Variants in TBC1D1 observed in about 807,000 individuals in gnomAD.
TBC1D1 encodes TBC1 (tre-2/USP6, BUB2, cdc16) domain family, member 1.
In TBC1D1, 89 loss-of-function variants were observed where a neutral mutation model predicts 125.6. The observed-to-expected ratio is 0.71, with a 90% CI of 0.60 to 0.85. TBC1D1 has a LOEUF of 0.85. Among genes scored for constraint, TBC1D1 ranks in the 40% least tolerant of loss-of-function variants. The pLI is 0.00. For missense variants in TBC1D1, 1,377 were observed against 1,469.2 expected, an observed-to-expected ratio of 0.94 and a Z score of 1.03; for synonymous variants, 565 against 564.1, an observed-to-expected ratio of 1.00 and a Z score of -0.02.
At chr4:37,998,979 G>GA (rs139184633) in intron 2 of TBC1D1, among the ~76,000 whole-genome samples, 7,708 of 152,286 alleles carry the variant, frequency 0.051, 213 homozygotes, top group African/African-American at 0.08. Context: ...GGGCACGGTG[G>GA]CTCTCGCCTG....
At position 37,902,426 on chromosome 4, in the gene TBC1D1, C is replaced by T. The variant is rs1220919444; in HGVS notation, c.331C>T (p.Pro111Ser). The T allele has an allele frequency of 6.2e-7, 1 of 1,614,088 alleles. No individual in the cohort carries two copies. Among genetic ancestry groups the T allele is most frequent in the East Asian group, 2.2e-5 (1 of 44,866 alleles). ...CAAACTGATTCACAACAGTCATGACCCAAGTTACTTTGCTTGTCTGATTAA... is the reference window on the plus strand; with the variant it reads ...CAAACTGATTCACAACAGTCATGACTCAAGTTACTTTGCTTGTCTGATTAA... Residue 111 changes from proline to serine, a missense_variant, in exon 2 of 20, where the codon CCA (proline) becomes TCA (serine). By Grantham distance (74) the Pro-to-Ser change is moderately conservative (BLOSUM62 -1). Around this residue, in one of 3 missense-constraint regions of TBC1D1, gnomAD observed 822 missense variants for 824.6 expected, o/e 1.00. Transcript: ENST00000261439.
chr4:37,929,051 T>G (rs1722729106), intron 2 of TBC1D1, among the ~76,000 whole-genome samples: 2 of 152,250 alleles, frequency 1.3e-5, no homozygotes, highest in Non-Finnish European at 2.9e-5. Flanking sequence ...GTTGGTGCTC[T>G]AAATGTGTCA....
At chr4:37,920,541 G>A (rs1002342102) in intron 2 of TBC1D1, among the ~76,000 whole-genome samples, 1 of 152,172 alleles carries the variant, frequency 6.6e-6, no homozygotes, top group African/African-American at 2.4e-5. Flanking sequence ...GCGAGGGGCC[G>A]ATGACTTCCA....
intron 17 of TBC1D1, among the ~76,000 whole-genome samples, chr4:38,121,734 A>AGAATGT (rs1460689259): frequency 5.3e-5 from 8 of 152,170 alleles, no homozygotes; most frequent in Non-Finnish European, 1.2e-4. Context: ...AAAAAATTCC[A>AGAATGT]GAATGTAAAT....
chr4:38,137,036 G>A (rs1312176615), intron 19 of TBC1D1, 99 bp from the exon 22 acceptor site: 19 of 1,576,392 alleles, frequency 1.2e-5, no homozygotes, highest in South Asian at 8.0e-5. Flanking sequence ...GCTGAAACTC[G>A]GCTCCAGAGT....
chr4:37,925,873 G>C (rs1434578066), intron 2 of TBC1D1, among the ~76,000 whole-genome samples: 2 of 152,080 alleles, frequency 1.3e-5, no homozygotes, highest in African/African-American at 4.8e-5. Context: ...GATCAAAGTA[G>C]TTTGGTATCA....
intron 12 of TBC1D1, among the ~76,000 whole-genome samples, chr4:38,064,958 T>C (rs1275823067): frequency 6.7e-6 from 1 of 149,826 alleles, no homozygotes; most frequent in Non-Finnish European, 1.5e-5. Flanking sequence ...TGAGATGGAG[T>C]CTTGCTCTGT....
At chr4:37,915,486 G>A (rs1719535944) in intron 2 of TBC1D1, among the ~76,000 whole-genome samples, 1 of 152,182 alleles carries the variant, frequency 6.6e-6, no homozygotes, top group Admixed American at 6.5e-5. Context: ...CCCAGCTCAA[G>A]CAATCAGGTA....
chr4:38,097,774 G>A (rs564257850), intron 14 of TBC1D1, among the ~76,000 whole-genome samples: 12 of 152,238 alleles, frequency 7.9e-5, no homozygotes, highest in East Asian at 3.9e-4. Flanking sequence ...CACTGCACCC[G>A]GCCTGCATAT....
intron 2 of TBC1D1, among the ~76,000 whole-genome samples, chr4:37,915,270 A>C (rs186362697): frequency 6.6e-6 from 1 of 152,310 alleles, no homozygotes; most frequent in Admixed American, 6.5e-5. Flanking sequence ...AGGGAAACAG[A>C]ACCAATAGGA....
chr4:38,033,171 C>T (rs979147024), intron 7 of TBC1D1, among the ~76,000 whole-genome samples: 1 of 152,120 alleles, frequency 6.6e-6, no homozygotes, highest in Non-Finnish European at 1.5e-5. Context: ...TATTAATACT[C>T]CTCCTCTTAC....
intron 12 of TBC1D1, among the ~76,000 whole-genome samples, chr4:38,070,863 G>A (rs1754590474): frequency 6.6e-6 from 1 of 152,166 alleles, no homozygotes; most frequent in Non-Finnish European, 1.5e-5. Context: ...AGTCTTTCTA[G>A]AAAACCTCAT....
chr4:38,137,850 A>C lies in TBC1D1; in HGVS notation c.*515A>C, dbSNP rs1309414005. 3.3e-5 allele frequency: 5 copies of C among 152,896 alleles called. No homozygotes were observed. The highest frequency in any genetic ancestry group is 7.2e-5 in the African/African-American group (3 of 41,458). The allele number at this position is 152,896 out of a possible 1,614,324, so 9.5% of individuals were successfully genotyped here. A position where few individuals can be genotyped will look rare whatever the true frequency, so the allele number is the denominator to read the frequency against. On this transcript the variant is annotated 3_prime_UTR_variant, in exon 20 of 20. Transcript: ENST00000261439. ...AAGATGATCATTGGGAAGATCAGTG[A>C]TCTTGGGTCATTGATCCCTGGCTCA...
At chr4:38,122,273 G>A (rs1449810979) in intron 17 of TBC1D1, among the ~76,000 whole-genome samples, 1 of 152,184 alleles carries the variant, frequency 6.6e-6, no homozygotes, top group African/African-American at 2.4e-5. Flanking sequence ...CCAGTGCACT[G>A]ACCTAGTGAG....
At chr4:37,979,367 G>A (rs185295165) in intron 2 of TBC1D1, among the ~76,000 whole-genome samples, 1 of 152,180 alleles carries the variant, frequency 6.6e-6, no homozygotes, top group Non-Finnish European at 1.5e-5. Flanking sequence ...GTGTTATCCT[G>A]TGAAAGATTT....
At chr4:37,905,854 T>G (rs1042482227) in intron 2 of TBC1D1, among the ~76,000 whole-genome samples, 21 of 152,248 alleles carry the variant, frequency 1.4e-4, no homozygotes, top group Admixed American at 2.6e-4. Flanking sequence ...TACAATTCTT[T>G]GAAGAAATGC....
chr4:38,079,491 A>G (rs1437878201), intron 12 of TBC1D1, among the ~76,000 whole-genome samples: 3 of 152,074 alleles, frequency 2.0e-5, no homozygotes, highest in Non-Finnish European at 4.4e-5. Context: ...TGGGAGGCCG[A>G]GGCGGGCAGA....
chr4:37,904,887 G>A lies in TBC1D1; in HGVS notation c.417+2375G>A, dbSNP rs78637666. On this transcript the variant is annotated intron_variant, in intron 2 of 19. Coordinates refer to ENST00000261439, the MANE Select transcript of TBC1D1 (RefSeq NM_015173.4). Reference sequence around the variant, plus strand: ...CTGTTCTTGGGACACCAATGTCACTGTATCTCATAGCGAAGGATTATCTGC... The same window carrying A: ...CTGTTCTTGGGACACCAATGTCACTATATCTCATAGCGAAGGATTATCTGC... Among the ~76,000 whole-genome samples the A allele has an allele frequency of 1.5e-3, 229 of 152,328 alleles. 4 individuals carry two copies. In the East Asian group the frequency reaches 0.038, roughly 26 times the overall value.
chr4:37,922,350 G>A (rs538554904), intron 2 of TBC1D1, among the ~76,000 whole-genome samples: 1 of 152,142 alleles, frequency 6.6e-6, no homozygotes, highest in Non-Finnish European at 1.5e-5. Context: ...TCACTGTTTA[G>A]AGGGGTTCTG....
Sources: allele counts gnomAD v4.1 joint callset (sites outside exome capture counted in the v4.1 genomes callset), GRCh38; gene constraint gnomAD v4.1.1; regional missense constraint gnomAD v4.1.1; transcripts MANE v1.5; gene names NCBI Gene and HGNC (gene_info 2026-07-23, HGNC 2026-07-21).